Variants in GPC5 observed in about 807,000 individuals in gnomAD.
GPC5 encodes glypican 5, also known as glypican-5.
GPC5 carries 47 observed loss-of-function variants against 53.9 expected under a neutral mutation model. The ratio of observed to expected loss-of-function variants is 0.87; its 90% CI spans 0.69 to 1.11. The LOEUF (loss-of-function observed/expected upper bound fraction) is 1.11. Among genes scored for constraint, GPC5 ranks in the 50% most tolerant of loss-of-function variants. The pLI, the probability that GPC5 is intolerant of heterozygous loss-of-function variation, is 0.00. For missense variants in GPC5, 748 were observed against 713.1 expected (o/e 1.05, Z -0.56); for synonymous variants, 286 against 263.3 (o/e 1.09, Z -0.84).
At chr13:92,164,823 G>A (rs1229879301) in intron 7 of GPC5, among the ~76,000 whole-genome samples, 1 of 152,194 alleles carries the variant, frequency 6.6e-6, no homozygotes, top group Non-Finnish European at 1.5e-5. Context: ...GGACATCCAG[G>A]CATTTCTGTA....
At chr13:91,430,157 C>A (rs1376358378) in intron 1 of GPC5, among the ~76,000 whole-genome samples, 1 of 152,132 alleles carries the variant, frequency 6.6e-6, no homozygotes, top group Non-Finnish European at 1.5e-5. Context: ...GGATATGTGG[C>A]TTCTAAGGTT....
intron 7 of GPC5, among the ~76,000 whole-genome samples, chr13:92,337,932 A>T (rs2139244021): frequency 6.6e-6 from 1 of 152,268 alleles, no homozygotes. Context: ...CCAAAGGCAC[A>T]ATTTATGAAA....
intron 1 of GPC5, among the ~76,000 whole-genome samples, chr13:91,425,246 T>G (rs966672123): frequency 6.6e-6 from 1 of 152,210 alleles, no homozygotes; most frequent in African/African-American, 2.4e-5. Flanking sequence ...CCTTATTTCT[T>G]TGTTTTGAAT....
intron 7 of GPC5, among the ~76,000 whole-genome samples, chr13:92,845,590 C>T (rs1878585943): frequency 6.6e-6 from 1 of 152,128 alleles, no homozygotes; most frequent in Non-Finnish European, 1.5e-5. Context: ...TTTACTCAGT[C>T]TACCTACTAA....
At chr13:92,377,724 T>G (rs1314899920) in intron 7 of GPC5, among the ~76,000 whole-genome samples, 1 of 152,200 alleles carries the variant, frequency 6.6e-6, no homozygotes, top group Admixed American at 6.5e-5. Flanking sequence ...TTAATAATGC[T>G]TTTTGTTTGT....
At chr13:92,228,229 C>T (rs1292238024) in intron 7 of GPC5, among the ~76,000 whole-genome samples, 1 of 151,372 alleles carries the variant, frequency 6.6e-6, no homozygotes, top group Non-Finnish European at 1.5e-5. Context: ...TATCAATGAA[C>T]CCGTGTTGTT....
intron 6 of GPC5, among the ~76,000 whole-genome samples, chr13:92,119,390 G>GTTTTTTTTTTTTTT (rs386380215): frequency 6.1e-5 from 4 of 65,672 alleles, no homozygotes; most frequent in Admixed American, 2.6e-4. Context: ...TAGGATTTTA[G>GTTTTTTTTTTTTTT]TTTTTTTTTT....
chr13:92,192,503 A>T lies in GPC5; in HGVS notation c.1561+47514A>T, dbSNP rs531086484. Among the ~76,000 whole-genome samples the T allele has an allele frequency of 7.2e-5, 11 of 152,328 alleles. No individual in the cohort carries two copies. The South Asian group carries it at 2.1e-3, about 29-fold the overall frequency. The stretch of plus-strand genomic sequence containing the variant: ...TAAAAATAAATGCGTGATAACAATG[A>T]TCATTCCTTTTTTCACATTTCTTTC... On this transcript the variant is annotated intron_variant, in intron 7 of 7. Transcript: ENST00000377067.
intron 1 of GPC5, among the ~76,000 whole-genome samples, chr13:91,439,149 C>T (rs949302810): frequency 2.0e-5 from 3 of 152,192 alleles, no homozygotes; most frequent in African/African-American, 4.8e-5. Context: ...GGCATGACTC[C>T]GGCTTTGTGT....
intron 7 of GPC5, among the ~76,000 whole-genome samples, chr13:92,571,040 T>G (rs927070277): frequency 3.3e-5 from 5 of 152,178 alleles, no homozygotes; most frequent in African/African-American, 9.6e-5. Flanking sequence ...CTTTTGACTC[T>G]TATGTCTAAC....
intron 7 of GPC5, among the ~76,000 whole-genome samples, chr13:92,320,432 C>G (rs1015609985): frequency 3.3e-5 from 5 of 152,082 alleles, no homozygotes; most frequent in South Asian, 2.1e-4. Flanking sequence ...TAATGACATG[C>G]AGGTGGTTTT....
At chr13:91,425,721 C>T (rs3848052) in intron 1 of GPC5, among the ~76,000 whole-genome samples, 67,433 of 151,956 alleles carry the variant, frequency 0.44, 15,903 homozygotes, top group Middle Eastern at 0.57. Context: ...AAATGGATAC[C>T]ATGGAGAGTG....
In GPC5 at chr13:91,580,665, C is replaced by A. The variant is rs1410873229; in HGVS notation, c.326-112522C>A. Among the ~76,000 whole-genome samples, 3 of 152,176 alleles carry A rather than the reference C, an allele frequency of 2.0e-5. No individual in the cohort carries two copies. In the East Asian group the frequency reaches 5.8e-4, roughly 29 times the overall value. The stretch of plus-strand genomic sequence containing the variant: ...GCAGTCACTGAGAATGTTATTATGA[C>A]ATGTTTCTTGCTGCATTGGCACCCT... On this transcript the variant is annotated intron_variant, in intron 2 of 7. Transcript: ENST00000377067.
At chr13:91,996,640 A>C (rs2040506579) in intron 6 of GPC5, 3 of 152,216 alleles carry the variant, frequency 2.0e-5, no homozygotes, top group African/African-American at 7.2e-5. Context: ...AGAACATGGC[A>C]AGGACTTGAA....
intron 3 of GPC5, among the ~76,000 whole-genome samples, chr13:91,695,009 T>TA (rs1384989568): frequency 6.6e-6 from 1 of 152,218 alleles, no homozygotes; most frequent in Non-Finnish European, 1.5e-5. Flanking sequence ...CTTCTCTTCC[T>TA]AACCTTCAGG....
intron 7 of GPC5, among the ~76,000 whole-genome samples, chr13:92,555,367 A>G (rs1174964412): frequency 6.6e-6 from 1 of 151,600 alleles, no homozygotes; most frequent in Non-Finnish European, 1.5e-5. Flanking sequence ...ATAATATTTA[A>G]ATGTTAGTCT....
intron 6 of GPC5, among the ~76,000 whole-genome samples, chr13:92,138,541 TAAAAA>T (rs1305571921): frequency 2.0e-5 from 1 of 50,970 alleles, no homozygotes; most frequent in Non-Finnish European, 5.1e-5. Flanking sequence ...AAATAAAAAA[TAAAAA>T]AAAATAAAAA....
rs369844375 is a variant in GPC5, at chr13:92,797,971, A to G, written c.1562-68311A>G. On this transcript the variant is annotated intron_variant, in intron 7 of 7. Coordinates refer to ENST00000377067, the MANE Select transcript of GPC5 (RefSeq NM_004466.6). ...GAGTCTAGAATATGGAATGCAAAGT[A>G]TGAAATTCTTCCTTCTCCACTCTTC... 1.8e-4 allele frequency among the ~76,000 whole-genome samples: 28 copies of G among 151,998 alleles called. No homozygotes were observed. In the South Asian group the frequency reaches 4.8e-3, roughly 26 times the overall value.
chr13:92,487,274 C>T (rs1310378846), intron 7 of GPC5, among the ~76,000 whole-genome samples: 1 of 152,142 alleles, frequency 6.6e-6, no homozygotes, highest in Admixed American at 6.6e-5. Context: ...AGGTGAGAAA[C>T]TGGTTTTCTC....
Sources: allele counts gnomAD v4.1 joint callset (sites outside exome capture counted in the v4.1 genomes callset), GRCh38; gene constraint gnomAD v4.1.1; transcripts MANE v1.5; gene names NCBI Gene and HGNC (gene_info 2026-07-23, HGNC 2026-07-21).